The following USP53 variants were observed in gnomAD, a reference collection of about 807,000 sequenced individuals.
The protein encoded by USP53 is ubiquitin specific peptidase 53, also known as ubiquitin carboxyl-terminal hydrolase 53.
In USP53, 71 loss-of-function variants were observed where a neutral mutation model predicts 94.9. The ratio of observed to expected loss-of-function variants is 0.75; its 90% CI spans 0.62 to 0.91. The LOEUF (loss-of-function observed/expected upper bound fraction) is 0.91, where lower values mean the gene tolerates loss of function less well. Among genes scored for constraint, USP53 ranks in the 40% least tolerant of loss-of-function variants. The pLI is 0.00. For synonymous variants in USP53, 375 were observed against 422.7 expected (o/e 0.89, Z 1.39); for missense variants, 1,173 against 1,281.0 (o/e 0.92, Z 1.29).
intron 17 of USP53, 59 bp from the exon 18 acceptor site, chr4:119,291,106 A>G (rs1055964166): frequency 2.5e-6 from 2 of 811,074 alleles, no homozygotes; most frequent in Non-Finnish European, 3.7e-6. Flanking sequence ...TAAATTCTGT[A>G]ACATAATTTA....
At chr4:119,267,723 T>C (rs1056709205) in intron 13 of USP53, among the ~76,000 whole-genome samples, 1 of 152,202 alleles carries the variant, frequency 6.6e-6, no homozygotes, top group Non-Finnish European at 1.5e-5. Context: ...AGAGGCTTCA[T>C]TAGTAGCTCT....
chr4:119,247,980 AT>A (rs949497591), intron 6 of USP53, among the ~76,000 whole-genome samples: 26 of 150,156 alleles, frequency 1.7e-4, no homozygotes, highest in Non-Finnish European at 3.3e-4. Context: ...TTAAAAAAAT[AT>A]TTTTTTTTTG....
At chr4:119,251,714 T>A (rs1402229358) in intron 7 of USP53, among the ~76,000 whole-genome samples, 1 of 152,240 alleles carries the variant, frequency 6.6e-6, no homozygotes, top group Admixed American at 6.5e-5. Flanking sequence ...CCTATTTGAA[T>A]ACCCTTTATT....
At chr4:119,245,459 T>G (rs991547789) in intron 6 of USP53, 30 bp downstream of exon 6, 2 of 1,592,780 alleles carry the variant, frequency 1.3e-6, no homozygotes, top group African/African-American at 2.7e-5. Flanking sequence ...GAAAAACTAC[T>G]ATCAATTGTT....
At chr4:119,236,241 C>T (rs144516669) in intron 4 of USP53, among the ~76,000 whole-genome samples, 362 of 152,226 alleles carry the variant, frequency 2.4e-3, no homozygotes, top group Non-Finnish European at 4.2e-3. Context: ...AGCATTATTT[C>T]TAAAAAGACA....
At chr4:119,274,352 GT>G (rs1420029648) in intron 17 of USP53, among the ~76,000 whole-genome samples, 1 of 150,074 alleles carries the variant, frequency 6.7e-6, no homozygotes, top group Non-Finnish European at 1.5e-5. Flanking sequence ...GCCGTGTTTG[GT>G]TTTCTGTTCT....
rs192167314 is a variant in USP53, at chr4:119,253,127, C to T, written c.373-3119C>T. Among the ~76,000 whole-genome samples the T allele has an allele frequency of 3.3e-5, 5 of 152,070 alleles. No individual in the cohort carries two copies. In the East Asian group the frequency reaches 5.8e-4, roughly 18 times the overall value. ...TTATTTCTGTTCTTTTACATTTGCT[C>T]GGGAGCGTTTTACTTCCAATTATGT... On this transcript the variant is annotated intron_variant, in intron 7 of 18. Coordinates refer to ENST00000692078, the MANE Select transcript of USP53 (RefSeq NM_001371395.1).
In USP53 at chr4:119,235,310, C is replaced by T. The variant is rs1236608370; in HGVS notation, c.-644C>T. ...TTTAGAGACAGCATCTTGCTGCCACCCAGGCTGGAGTGCAGTGGTGCAGTC... is the reference window on the plus strand; with the variant it reads ...TTTAGAGACAGCATCTTGCTGCCACTCAGGCTGGAGTGCAGTGGTGCAGTC... On this transcript the variant is annotated 5_prime_UTR_variant, in exon 4 of 19. Coordinates refer to ENST00000692078, the MANE Select transcript of USP53 (RefSeq NM_001371395.1). 1.3e-5 allele frequency: 2 copies of T among 152,216 alleles called. No homozygotes were observed. Among genetic ancestry groups the T allele is most frequent in the African/African-American group, 4.8e-5 (2 of 41,426 alleles). The allele number at this position is 152,216 out of a possible 1,614,324, so 9.4% of individuals were successfully genotyped here. A position where few individuals can be genotyped will look rare whatever the true frequency, so the allele number is the denominator to read the frequency against.
intron 3 of USP53, chr4:119,219,355 TC>T (rs1191190268): frequency 1.3e-5 from 2 of 152,364 alleles, no homozygotes; most frequent in African/African-American, 4.8e-5. Context: ...TCTTTGGTGT[TC>T]CTTGACTTGC....
Position 119,239,597 on chromosome 4 carries a change from T to C in USP53, c.-163T>C, listed in dbSNP as rs1747246682. 1 of 786,828 alleles carries C rather than the reference T, an allele frequency of 1.3e-6. No individual in the cohort carries two copies. Among genetic ancestry groups the C allele is most frequent in the Non-Finnish European group, 1.9e-6 (1 of 528,916 alleles). The allele number at this position is 786,828 out of a possible 1,614,324, so 48.7% of individuals were successfully genotyped here. Reference sequence around the variant, plus strand: ...CCCTATTGTTACTTGTCAGAGTCTTTAAGAGTTTATAACATCAGGAAAGAT... The same window carrying C: ...CCCTATTGTTACTTGTCAGAGTCTTCAAGAGTTTATAACATCAGGAAAGAT... On this transcript the variant is annotated 5_prime_UTR_variant, in exon 5 of 19. The change abolishes the stop of an existing upstream ORF in the 5' untranslated region. Transcript: ENST00000692078.
rs1747257596 is a variant in USP53 at position 119,239,698 on chromosome 4, G to T, written c.-62G>T. ...GACAATTCAAGACATCCATTTTATT[G>T]TCCAAAATATTACATAAAAGTGTAC... On this transcript the variant is annotated 5_prime_UTR_variant, in exon 5 of 19. Coordinates refer to ENST00000692078, the MANE Select transcript of USP53 (RefSeq NM_001371395.1). 5 of 1,525,152 alleles carry T rather than the reference G, an allele frequency of 3.3e-6. No homozygotes were observed. Among genetic ancestry groups the T allele is most frequent in the Non-Finnish European group, 4.4e-6 (5 of 1,135,700 alleles). The allele number at this position is 1,525,152 out of a possible 1,614,324, so 94.5% of individuals were successfully genotyped here.
intron 3 of USP53, among the ~76,000 whole-genome samples, chr4:119,234,146 A>G (rs953140457): frequency 6.6e-6 from 1 of 152,140 alleles, no homozygotes; most frequent in Non-Finnish European, 1.5e-5. Context: ...TACTCTTCAG[A>G]TGGCACTGGA....
In USP53 at chr4:119,261,753, T is replaced by C; in HGVS notation, c.861T>C (p.Ser287=). Residue 287 remains serine (S), a synonymous_variant, in exon 12 of 19, where the codon AGT becomes AGC. Coordinates refer to ENST00000692078, the MANE Select transcript of USP53 (RefSeq NM_001371395.1). ...YRVTDENAKN[S]ELNLVGMICY... is the part of the protein sequence containing the mutation. The stretch of plus-strand genomic sequence containing the variant: ...TTACTGATGAAAATGCCAAAAATAG[T>C]GAACTTAACCTTGTTGGTATGATCT... The C allele has an allele frequency of 1.9e-6, 3 of 1,563,742 alleles. No individual in the cohort carries two copies. Among genetic ancestry groups the C allele is most frequent in the Non-Finnish European group, 2.6e-6 (3 of 1,144,992 alleles).
intron 3 of USP53, among the ~76,000 whole-genome samples, chr4:119,229,398 T>C (rs952798968): frequency 1.3e-5 from 2 of 152,232 alleles, no homozygotes; most frequent in Non-Finnish European, 2.9e-5. Flanking sequence ...AACCCTAAAC[T>C]CTTCCCCAGG....
chr4:119,285,701 C>T (rs1333021926), intron 17 of USP53, among the ~76,000 whole-genome samples: 1 of 151,826 alleles, frequency 6.6e-6, no homozygotes, highest in Non-Finnish European at 1.5e-5. Flanking sequence ...ATGTTTTTGG[C>T]AAACTACCAA....
In USP53 at chr4:119,245,445, C is replaced by G. The variant is rs1380482094; in HGVS notation, c.237+16C>G. ...TGCATTGAAGGTAACCTTTTAATAG[C>G]TCTGAAAAACTACTATCAATTGTTC... On this transcript the variant is annotated intron_variant, in intron 6 of 18. Transcript: ENST00000692078. The G allele has an allele frequency of 1.9e-6, 3 of 1,602,486 alleles. No homozygotes were observed. Among genetic ancestry groups the G allele is most frequent in the Non-Finnish European group, 2.6e-6 (3 of 1,171,392 alleles).
intron 14 of USP53, 103 bp downstream of exon 14, chr4:119,268,523 A>G (rs2149409361): frequency 6.0e-6 from 7 of 1,159,272 alleles, no homozygotes; most frequent in African/African-American, 1.6e-5. Flanking sequence ...GTGAAAAGAT[A>G]ATAACAAATA....
chr4:119,289,351 C>A (rs773231742), intron 17 of USP53, among the ~76,000 whole-genome samples: 1 of 152,114 alleles, frequency 6.6e-6, no homozygotes, highest in Admixed American at 6.5e-5. Context: ...AACATTTTTA[C>A]CCATTATTGT....
chr4:119,215,037 G>A (rs1303502476), intron 2 of USP53, among the ~76,000 whole-genome samples: 3 of 152,118 alleles, frequency 2.0e-5, no homozygotes, highest in Admixed American at 1.3e-4. Flanking sequence ...GGTATTTCTT[G>A]TAGAACTCAA....
Sources: allele counts gnomAD v4.1 joint callset (sites outside exome capture counted in the v4.1 genomes callset), GRCh38; gene constraint gnomAD v4.1.1; transcripts MANE v1.5; gene names NCBI Gene and HGNC (gene_info 2026-07-23, HGNC 2026-07-21).